The following SKIC3 variants were observed in gnomAD, a reference collection of about 807,000 sequenced individuals.
SKIC3 encodes SKI3 subunit of superkiller complex, also known as superkiller complex protein 3.
the SKIC3 span, among the ~76,000 whole-genome samples, chr5:95,466,283 G>A: frequency 1.2e-4 from 18 of 152,178 alleles, no homozygotes; most frequent in Non-Finnish European, 8.8e-5. Context: ...GTATTTTATA[G>A]TAAAGGCAAG....
At chr5:95,543,717 T>C in the SKIC3 span, among the ~76,000 whole-genome samples, 5 of 152,212 alleles carry the variant, frequency 3.3e-5, no homozygotes, top group Admixed American at 1.3e-4. Context: ...CCAACTCTCA[T>C]ATTTTCCTTC....
the SKIC3 span, chr5:95,517,315 G>A: frequency 6.2e-7 from 1 of 1,612,672 alleles, no homozygotes; most frequent in East Asian, 2.2e-5. Context: ...GCTCGATGCT[G>A]TAGAGCACTA....
the SKIC3 span, chr5:95,494,872 A>G: frequency 6.3e-7 from 1 of 1,590,504 alleles, no homozygotes; most frequent in Non-Finnish European, 8.6e-7. Flanking sequence ...TCTATTTGAT[A>G]TGACATAATC....
At chr5:95,498,777 C>T in the SKIC3 span, among the ~76,000 whole-genome samples, 60 of 152,262 alleles carry the variant, frequency 3.9e-4, no homozygotes, top group Non-Finnish European at 7.8e-4. Flanking sequence ...AGGCGCCCGC[C>T]ATCAGGCCCG....
At chr5:95,489,465 T>C in the SKIC3 span, among the ~76,000 whole-genome samples, 1 of 144,034 alleles carries the variant, frequency 6.9e-6, no homozygotes, top group African/African-American at 2.6e-5. Flanking sequence ...TAGTTGAAAA[T>C]GGAGTTGGAT....
chr5:95,498,766 C>CA, the SKIC3 span, among the ~76,000 whole-genome samples: 4 of 152,102 alleles, frequency 2.6e-5, no homozygotes, highest in Non-Finnish European at 5.9e-5. Flanking sequence ...GCTGGGACTA[C>CA]AGGCGCCCGC....
At chr5:95,525,978 C>G in the SKIC3 span, among the ~76,000 whole-genome samples, 5 of 152,128 alleles carry the variant, frequency 3.3e-5, no homozygotes, top group African/African-American at 9.7e-5. Context: ...AATTTTACCA[C>G]ACTTCTGCTC....
chr5:95,483,479 T>TA, the SKIC3 span, among the ~76,000 whole-genome samples: 3 of 152,194 alleles, frequency 2.0e-5, no homozygotes, highest in African/African-American at 7.2e-5. Flanking sequence ...TTATGCTTAG[T>TA]AAACACTTAC....
chr5:95,503,418 C>A, the SKIC3 span, among the ~76,000 whole-genome samples: 1 of 152,182 alleles, frequency 6.6e-6, no homozygotes, highest in African/African-American at 2.4e-5. Flanking sequence ...TGTGAAAATG[C>A]ATCATATAAC....
the SKIC3 span, among the ~76,000 whole-genome samples, chr5:95,500,289 T>C: frequency 1.3e-5 from 2 of 152,188 alleles, no homozygotes; most frequent in Non-Finnish European, 2.9e-5. Context: ...TATTTGGTTT[T>C]CATCCCTAAA....
chr5:95,501,136 T>C, the SKIC3 span, among the ~76,000 whole-genome samples: 1 of 152,104 alleles, frequency 6.6e-6, no homozygotes, highest in Admixed American at 6.5e-5. Flanking sequence ...TAGTAAAATA[T>C]AAATTTCAAT....
At chr5:95,504,380 T>C in the SKIC3 span, among the ~76,000 whole-genome samples, 1 of 151,936 alleles carries the variant, frequency 6.6e-6, no homozygotes. Context: ...ATTTCATGTG[T>C]ACTTCCTTTT....
At chr5:95,487,807 C>T in the SKIC3 span, among the ~76,000 whole-genome samples, 64 of 152,150 alleles carry the variant, frequency 4.2e-4, no homozygotes, top group Middle Eastern at 6.8e-3. Flanking sequence ...TCCAAAGGAA[C>T]ATAATAATTC....
the SKIC3 span, chr5:95,543,404 A>C: frequency 2.7e-6 from 4 of 1,506,446 alleles, no homozygotes; most frequent in African/African-American, 2.8e-5. Context: ...AAAGTCTAGC[A>C]TGAGTCAGGA....
the SKIC3 span, chr5:95,543,310 C>A: frequency 1.2e-6 from 2 of 1,613,932 alleles, no homozygotes; most frequent in Admixed American, 1.7e-5. Flanking sequence ...AGTTATTTTT[C>A]TCTTGCTTTA....
chr5:95,538,457 A>C, the SKIC3 span, among the ~76,000 whole-genome samples: 1 of 152,260 alleles, frequency 6.6e-6, no homozygotes, highest in East Asian at 1.9e-4. Context: ...CTGAATAAAC[A>C]AATTAATGAG....
At chr5:95,516,391 T>C in the SKIC3 span, 1 of 1,613,222 alleles carries the variant, frequency 6.2e-7, no homozygotes, top group Admixed American at 1.7e-5. Context: ...ACTCCCAAGT[T>C]GGTCCATGCA....
At chr5:95,470,046 G>C in the SKIC3 span, 3 of 1,019,070 alleles carry the variant, frequency 2.9e-6, no homozygotes, top group Admixed American at 2.6e-5. Flanking sequence ...GCGCGATCTC[G>C]GCTCACTTGC....
the SKIC3 span, chr5:95,516,990 GATA>G: frequency 6.2e-7 from 1 of 1,613,418 alleles, no homozygotes; most frequent in Non-Finnish European, 8.5e-7. Flanking sequence ...TGTGCTTGGC[GATA>G]ATAATTAATT....
Sources: gnomAD v4.1 joint callset for allele counts (sites outside exome capture counted in the v4.1 genomes callset) on GRCh38, gnomAD v4.1.1 for gene constraint, MANE v1.5 for transcripts, NCBI Gene and HGNC (gene_info 2026-07-23, HGNC 2026-07-21) for gene names.